Variants in NIBAN1 observed in about 807,000 individuals in gnomAD.
NIBAN1 encodes niban apoptosis regulator 1, also known as protein Niban 1.
A neutral mutation model predicts 75.1 loss-of-function variants in NIBAN1; 81 were observed. The observed-to-expected ratio is 1.08, with a 90% CI of 0.90 to 1.30. NIBAN1 has a LOEUF of 1.30. NIBAN1 is among the 50% of genes most tolerant of loss of function. The pLI, the probability that NIBAN1 is intolerant of heterozygous loss-of-function variation, is 0.00. For synonymous variants in NIBAN1, 436 were observed against 424.8 expected (o/e 1.03, Z -0.32); for missense variants, 1,133 against 1,128.1 (o/e 1.00, Z -0.06).
At chr1:184,928,753 G>T (rs945975408) in intron 1 of NIBAN1, among the ~76,000 whole-genome samples, 1 of 152,146 alleles carries the variant, frequency 6.6e-6, no homozygotes, top group Non-Finnish European at 1.5e-5. Context: ...CACCCTCTTT[G>T]GTGCCTCTTT....
intron 9 of NIBAN1, 86 bp downstream of exon 9, chr1:184,818,552 A>T: frequency 7.9e-7 from 1 of 1,264,912 alleles, no homozygotes; most frequent in Non-Finnish European, 1.1e-6. Context: ...GAAGGGAGGA[A>T]GGGAGGGAGA....
At chr1:184,845,459 A>T (rs1655410705) in intron 5 of NIBAN1, among the ~76,000 whole-genome samples, 1 of 152,226 alleles carries the variant, frequency 6.6e-6, no homozygotes, top group East Asian at 1.9e-4. Context: ...GATAACTTTA[A>T]CTGCAAAAAG....
In NIBAN1 at chr1:184,821,134, A is replaced by G. The variant is rs148426723; in HGVS notation, c.985+2033T>C. Among the ~76,000 whole-genome samples, 374 of 152,302 alleles carry G rather than the reference A, an allele frequency of 2.5e-3. 2 individuals carry two copies. The highest frequency in any genetic ancestry group is 8.7e-3 in the African/African-American group (363 of 41,560). On this transcript the variant is annotated intron_variant, in intron 8 of 13. Transcript: ENST00000367511. ...CTTTGTATCCTCCTCTCCTTGTAAA[A>G]TCACGTTGTCTTCTTTGAGTCATTC...
intron 5 of NIBAN1, among the ~76,000 whole-genome samples, chr1:184,858,906 A>T (rs920293229): frequency 3.9e-5 from 6 of 152,086 alleles, no homozygotes; most frequent in African/African-American, 1.4e-4. Context: ...GACCCTGTTG[A>T]GTGAAAAAAA....
chr1:184,859,351 C>T (rs1157041796), intron 5 of NIBAN1, among the ~76,000 whole-genome samples: 1 of 152,100 alleles, frequency 6.6e-6, no homozygotes, highest in East Asian at 1.9e-4. Flanking sequence ...CCTCAGCCTA[C>T]CCACGTTGAT....
At chr1:184,842,951 T>C (rs659550) in intron 5 of NIBAN1, among the ~76,000 whole-genome samples, 87,965 of 151,840 alleles carry the variant, frequency 0.58, 25,963 homozygotes, top group African/African-American at 0.67. Flanking sequence ...AAGACCATGG[T>C]TCTTGAATGC....
rs201127933 is a variant in NIBAN1 at position 184,794,822 on chromosome 1, G to A, written c.*155C>T. On this transcript the variant is annotated 3_prime_UTR_variant, in exon 14 of 14. Coordinates refer to ENST00000367511, the MANE Select transcript of NIBAN1 (RefSeq NM_052966.4). ...TTCATGTCCACAAAGGTTTGCCTCA[G>A]TTGCTCATGCCCTGTATGCATTTCC... 4.2e-6 allele frequency: 4 copies of A among 949,408 alleles called. No individual in the cohort carries two copies. In the East Asian group the frequency reaches 1.0e-4, roughly 25 times the overall value. 58.8% of individuals were successfully genotyped at this position (949,408 alleles called of 1,614,324 possible).
At chr1:184,964,081 A>C (rs1043168751) in intron 1 of NIBAN1, among the ~76,000 whole-genome samples, 1 of 150,930 alleles carries the variant, frequency 6.6e-6, no homozygotes, top group Non-Finnish European at 1.5e-5. Flanking sequence ...AAAAAAAAGG[A>C]ACCAAGAGCC....
intron 5 of NIBAN1, among the ~76,000 whole-genome samples, chr1:184,858,591 A>T (rs1485044797): frequency 6.6e-6 from 1 of 152,240 alleles, no homozygotes; most frequent in Non-Finnish European, 1.5e-5. Context: ...GGGCACTCTC[A>T]TACACTGTAG....
chr1:184,927,898 C>A (rs978929814), intron 1 of NIBAN1, among the ~76,000 whole-genome samples: 3 of 151,916 alleles, frequency 2.0e-5, no homozygotes, highest in African/African-American at 7.3e-5. Context: ...CTTCCCTCTC[C>A]TTTCCACAAG....
chr1:184,920,683 C>T (rs1458623457), intron 1 of NIBAN1, among the ~76,000 whole-genome samples: 2 of 152,078 alleles, frequency 1.3e-5, no homozygotes, highest in African/African-American at 4.8e-5. Context: ...GGTAGTCTAT[C>T]AACTGCTTTA....
intron 12 of NIBAN1, among the ~76,000 whole-genome samples, chr1:184,802,739 T>C (rs1571471442): frequency 2.0e-5 from 3 of 152,326 alleles, no homozygotes; most frequent in Admixed American, 2.0e-4. Flanking sequence ...TATCATTTGC[T>C]CCAAAACGGA....
In NIBAN1 at chr1:184,823,213, C is replaced by T; in HGVS notation, c.939G>A (p.Met313Ile). 6.2e-7 allele frequency: 1 copy of T among 1,614,212 alleles called. No homozygotes were observed. Among genetic ancestry groups the T allele is most frequent in the South Asian group, 1.1e-5 (1 of 91,080 alleles). Residue 313 changes from methionine (M) to isoleucine (I), a missense_variant, in exon 8 of 14, where the codon ATG becomes ATA. By Grantham distance (10) the Met-to-Ile change is conservative (BLOSUM62 1). Transcript: ENST00000367511. ...AGTTCTTTGAGTTCACAATCTGATC[C>T]ATGTCAGAACGGATCGTTCCTTCCA... is the stretch of plus-strand genomic sequence containing the variant. ...KGLEGTIRSD[M>I]DQIVNSKNYL...
intron 5 of NIBAN1, among the ~76,000 whole-genome samples, chr1:184,865,346 T>C (rs1200119465): frequency 6.6e-6 from 1 of 151,942 alleles, no homozygotes; most frequent in Non-Finnish European, 1.5e-5. Context: ...TATAAGCAAA[T>C]TAACACAGGA....
At chr1:184,941,249 T>C (rs894975303) in intron 1 of NIBAN1, among the ~76,000 whole-genome samples, 3 of 152,206 alleles carry the variant, frequency 2.0e-5, no homozygotes, top group Non-Finnish European at 4.4e-5. Context: ...TTTCTAGATA[T>C]ACAATCATGT....
At chr1:184,815,029 A>G (rs368525699) in intron 9 of NIBAN1, among the ~76,000 whole-genome samples, 1 of 152,226 alleles carries the variant, frequency 6.6e-6, no homozygotes, top group Non-Finnish European at 1.5e-5. Flanking sequence ...AAATTGTGGA[A>G]ACAGTTTAGA....
intron 1 of NIBAN1, among the ~76,000 whole-genome samples, chr1:184,961,616 C>T (rs934715903): frequency 6.6e-6 from 1 of 152,182 alleles, no homozygotes; most frequent in Non-Finnish European, 1.5e-5. Context: ...TTTGGGTATC[C>T]ATGACCCTCC....
chr1:184,969,090 C>A (rs234100), intron 1 of NIBAN1, among the ~76,000 whole-genome samples: 76,254 of 151,996 alleles, frequency 0.5, 19,990 homozygotes, highest in African/African-American at 0.6. Flanking sequence ...CAGCTACATA[C>A]TCCCATTTAG....
intron 2 of NIBAN1, among the ~76,000 whole-genome samples, chr1:184,895,364 T>C (rs1172524483): frequency 6.6e-6 from 1 of 152,170 alleles, no homozygotes; most frequent in African/African-American, 2.4e-5. Context: ...CACGATAGAC[T>C]TACTATATCA....
Sources: allele counts gnomAD v4.1 joint callset (sites outside exome capture counted in the v4.1 genomes callset), GRCh38; gene constraint gnomAD v4.1.1; transcripts MANE v1.5; gene names NCBI Gene and HGNC (gene_info 2026-07-23, HGNC 2026-07-21).